CACNB2: variants seen among roughly 807,000 people sequenced by gnomAD.
CACNB2 encodes calcium voltage-gated channel auxiliary subunit beta 2.
A neutral mutation model predicts 73.3 loss-of-function variants in CACNB2; 42 were observed. That is an observed-to-expected ratio of 0.57 (90% CI 0.45 to 0.74). CACNB2 has a LOEUF of 0.74. CACNB2 is among the 30% of genes least tolerant of loss of function. The pLI, the probability that CACNB2 is intolerant of heterozygous loss-of-function variation, is 0.00. For missense variants in CACNB2, 940 were observed against 853.0 expected, an observed-to-expected ratio of 1.10 and a Z score of -1.27; for synonymous variants, 348 against 310.3, an observed-to-expected ratio of 1.12 and a Z score of -1.28.
Position 18,375,677 on chromosome 10 carries a change from G to A in CACNB2, c.214-26247G>A, listed in dbSNP as rs143023886. Reference sequence around the variant, plus strand: ...TCTCTGAGTGACATCTCTGATAATCGTAGGCCTGAGCATGTTTATTCATAC... The same window carrying A: ...TCTCTGAGTGACATCTCTGATAATCATAGGCCTGAGCATGTTTATTCATAC... On this transcript the variant is annotated intron_variant, in intron 2 of 13. Coordinates refer to ENST00000324631, the MANE Select transcript of CACNB2 (RefSeq NM_201596.3). Among the ~76,000 whole-genome samples the A allele has an allele frequency of 7.6e-4, 115 of 152,254 alleles. 1 individual carries two copies. In the South Asian group the frequency reaches 0.023, roughly 30 times the overall value.
At position 18,542,885 on chromosome 10, in the gene CACNB2, T is replaced by G. The variant is rs1254816917; in HGVS notation, c.*3161T>G. On this transcript the variant is annotated 3_prime_UTR_variant, in exon 14 of 14. Coordinates refer to ENST00000324631, the MANE Select transcript of CACNB2 (RefSeq NM_201596.3). Reference sequence around the variant, plus strand: ...TGCTGGAAATGTATTTAATAGTTTTTTTTTTTTTTTTTTTTGGTCATATCC... The same window carrying G: ...TGCTGGAAATGTATTTAATAGTTTTGTTTTTTTTTTTTTTTGGTCATATCC... The G allele has an allele frequency of 7.3e-5, 11 of 150,388 alleles. No homozygotes were observed. The highest frequency in any genetic ancestry group is 2.7e-4 in the African/African-American group (11 of 41,064). 9.3% of individuals were successfully genotyped at this position (150,388 alleles called of 1,614,324 possible).
chr10:18,531,710 T>C (rs1358907505), intron 10 of CACNB2: 3 of 152,202 alleles, frequency 2.0e-5, no homozygotes, highest in African/African-American at 7.2e-5. Flanking sequence ...CCATTCTAAC[T>C]GGTGGGAGAT....
chr10:18,323,400 C>T (rs1454985192), intron 2 of CACNB2, among the ~76,000 whole-genome samples: 2 of 150,530 alleles, frequency 1.3e-5, no homozygotes, highest in Non-Finnish European at 1.5e-5. Context: ...TTTTTTTTTA[C>T]TGAATATTAC....
chr10:18,395,346 C>T (rs930521187), intron 2 of CACNB2, among the ~76,000 whole-genome samples: 20 of 152,076 alleles, frequency 1.3e-4, no homozygotes, highest in Admixed American at 7.9e-4. Flanking sequence ...TGCAGACTGT[C>T]ATCTCATTAC....
At chr10:18,398,959 T>C (rs541132832) in intron 2 of CACNB2, among the ~76,000 whole-genome samples, 1 of 152,310 alleles carries the variant, frequency 6.6e-6, no homozygotes, top group East Asian at 1.9e-4. Context: ...AGCAAAGGAC[T>C]TTTTATATCT....
At chr10:18,156,785 T>C (rs928155193) in intron 2 of CACNB2, among the ~76,000 whole-genome samples, 2 of 151,886 alleles carry the variant, frequency 1.3e-5, no homozygotes, top group Non-Finnish European at 2.9e-5. Flanking sequence ...TCTCAGCACT[T>C]TGGGAGGCTG....
At chr10:18,363,282 A>G (rs2042215620) in intron 2 of CACNB2, among the ~76,000 whole-genome samples, 1 of 152,186 alleles carries the variant, frequency 6.6e-6, no homozygotes, top group African/African-American at 2.4e-5. Flanking sequence ...AACAGGATGG[A>G]TGGCTCAGGC....
intron 2 of CACNB2, among the ~76,000 whole-genome samples, chr10:18,245,100 C>A (rs1397341270): frequency 6.6e-6 from 1 of 151,232 alleles, no homozygotes; most frequent in East Asian, 1.9e-4. Flanking sequence ...TTTTTTTCCC[C>A]AGTAAGACTC....
At chr10:18,518,746 T>A (rs894609940) in intron 8 of CACNB2, among the ~76,000 whole-genome samples, 164 bp from the exon 9 acceptor site, 1 of 152,226 alleles carries the variant, frequency 6.6e-6, no homozygotes, top group African/African-American at 2.4e-5. Context: ...TTAATTGTCA[T>A]TGCATCAGAA....
At position 18,459,633 on chromosome 10, in the gene CACNB2, T is replaced by C. The variant is rs147737872; in HGVS notation, c.334-38722T>C. Among the ~76,000 whole-genome samples, 370 of 152,330 alleles carry C rather than the reference T, an allele frequency of 2.4e-3. 1 individual carries two copies. Among genetic ancestry groups the C allele is most frequent in the Non-Finnish European group, 3.3e-3 (222 of 68,030 alleles). On this transcript the variant is annotated intron_variant, in intron 3 of 13. Transcript: ENST00000324631. ...TTTTTTATTATTATGTATCATATTA[T>C]TGCTAACTAAAAAGATCCATAATGT...
intron 2 of CACNB2, among the ~76,000 whole-genome samples, chr10:18,366,326 G>A (rs1393953103): frequency 1.3e-5 from 2 of 151,826 alleles, no homozygotes; most frequent in East Asian, 3.9e-4. Context: ...TTAGCCGGGC[G>A]TGGTGGCGGG....
Position 18,140,507 on chromosome 10 carries a change from C to T in CACNB2, c.-230C>T, listed in dbSNP as rs937090938. ...GGCACCGCAGCCGCGCCCCCGCGTC[C>T]CGCCTCCCGAGCGGCTCGCTTCGCC... On this transcript the variant is annotated 5_prime_UTR_variant, in exon 1 of 14. Transcript: ENST00000324631. Among the ~76,000 whole-genome samples, 35 of 151,804 alleles carry T rather than the reference C, an allele frequency of 2.3e-4. No individual in the cohort carries two copies. Among genetic ancestry groups the T allele is most frequent in the African/African-American group, 7.5e-4 (31 of 41,510 alleles).
At chr10:18,342,834 A>T (rs1267868035) in intron 2 of CACNB2, among the ~76,000 whole-genome samples, 1 of 152,036 alleles carries the variant, frequency 6.6e-6, no homozygotes, top group South Asian at 2.1e-4. Context: ...ACATATGTAT[A>T]TTTATATATG....
At chr10:18,204,217 C>G (rs1427774220) in intron 2 of CACNB2, among the ~76,000 whole-genome samples, 2 of 152,198 alleles carry the variant, frequency 1.3e-5, no homozygotes, top group Non-Finnish European at 2.9e-5. Context: ...CAATCTCTCC[C>G]TGTTGCTATG....
chr10:18,447,464 A>G (rs1401094085), intron 3 of CACNB2, among the ~76,000 whole-genome samples: 1 of 152,220 alleles, frequency 6.6e-6, no homozygotes, highest in East Asian at 1.9e-4. Context: ...AAGATCTGTA[A>G]GAGACAGAAG....
intron 2 of CACNB2, among the ~76,000 whole-genome samples, chr10:18,297,237 C>T (rs1016871652): frequency 2.0e-5 from 3 of 152,154 alleles, no homozygotes; most frequent in Non-Finnish European, 2.9e-5. Context: ...TTTTGAAGCA[C>T]ATCATAATCC....
intron 10 of CACNB2, among the ~76,000 whole-genome samples, chr10:18,529,169 A>G (rs1334896585): frequency 1.3e-5 from 2 of 152,228 alleles, no homozygotes; most frequent in East Asian, 3.8e-4. Context: ...ATTAAACTGA[A>G]TTAACAAAGT....
At chr10:18,354,079 T>C (rs1005208041) in intron 2 of CACNB2, among the ~76,000 whole-genome samples, 2 of 152,178 alleles carry the variant, frequency 1.3e-5, no homozygotes, top group African/African-American at 4.8e-5. Flanking sequence ...CTGGGTGACA[T>C]TGGACAAATT....
At chr10:18,489,000 A>C (rs957758061) in intron 3 of CACNB2, among the ~76,000 whole-genome samples, 1 of 152,072 alleles carries the variant, frequency 6.6e-6, no homozygotes, top group African/African-American at 2.4e-5. Flanking sequence ...TAACATGGTG[A>C]TACCCCATCT....
Sources: allele counts gnomAD v4.1 joint callset (sites outside exome capture counted in the v4.1 genomes callset), GRCh38; gene constraint gnomAD v4.1.1; transcripts MANE v1.5; gene names NCBI Gene and HGNC (gene_info 2026-07-23, HGNC 2026-07-21).